MALRD1: variants seen among roughly 807,000 people sequenced by gnomAD.
The protein encoded by MALRD1 is MAM and LDL receptor class A domain containing 1.
A neutral mutation model predicts 242.1 loss-of-function variants in MALRD1; 247 were observed. The observed-to-expected ratio is 1.02, with a 90% CI of 0.92 to 1.13. The LOEUF (loss-of-function observed/expected upper bound fraction) is 1.13. MALRD1 is among the 50% of genes most tolerant of loss of function. MALRD1 has a pLI of 0.00. For synonymous variants in MALRD1, 995 were observed against 866.6 expected (o/e 1.15, Z -2.60); for missense variants, 2,989 against 2,533.1 (o/e 1.18, Z -3.86).
chr10:19,443,230 C>T (rs1475095745), intron 28 of MALRD1, among the ~76,000 whole-genome samples: 1 of 152,024 alleles, frequency 6.6e-6, no homozygotes, highest in Admixed American at 6.6e-5. Flanking sequence ...ATTAGTCTTG[C>T]TAGTGGTCTA....
At chr10:19,499,383 T>G in intron 31 of MALRD1, among the ~76,000 whole-genome samples, 1 of 152,064 alleles carries the variant, frequency 6.6e-6, no homozygotes, top group South Asian at 2.1e-4. Flanking sequence ...ATTGATGAAC[T>G]TTGAGTAAAG....
At chr10:19,391,099 A>G (rs1267943961) in intron 28 of MALRD1, among the ~76,000 whole-genome samples, 1 of 152,132 alleles carries the variant, frequency 6.6e-6, no homozygotes, top group Non-Finnish European at 1.5e-5. Flanking sequence ...TTATTTCTAG[A>G]AAGTGTAATA....
intron 2 of MALRD1, among the ~76,000 whole-genome samples, chr10:19,068,739 T>C (rs921342743): frequency 3.3e-5 from 5 of 152,114 alleles, no homozygotes; most frequent in African/African-American, 1.2e-4. Flanking sequence ...AATCCTGTCT[T>C]TACTCAAAAA....
chr10:19,486,336 A>G (rs941416802), intron 29 of MALRD1, among the ~76,000 whole-genome samples: 5 of 152,148 alleles, frequency 3.3e-5, no homozygotes, highest in African/African-American at 9.7e-5. Context: ...GATAGTTAAA[A>G]TTCTTTGTTG....
intron 33 of MALRD1, among the ~76,000 whole-genome samples, chr10:19,590,197 A>G (rs1244141588): frequency 1.3e-5 from 2 of 151,380 alleles, no homozygotes; most frequent in Admixed American, 6.6e-5. Context: ...AGAGAAAATC[A>G]TCAAACATGA....
At chr10:19,564,820 A>G (rs1435449898) in intron 32 of MALRD1, among the ~76,000 whole-genome samples, 2 of 152,180 alleles carry the variant, frequency 1.3e-5, no homozygotes, top group Non-Finnish European at 2.9e-5. Context: ...GCTGAGAGTT[A>G]TCACAAAGAC....
chr10:19,268,145 A>G (rs193297914), intron 19 of MALRD1, among the ~76,000 whole-genome samples: 7 of 152,226 alleles, frequency 4.6e-5, no homozygotes, highest in Admixed American at 2.6e-4. Flanking sequence ...ATTTGTAGTC[A>G]CATTCAAATA....
intron 12 of MALRD1, among the ~76,000 whole-genome samples, chr10:19,164,859 G>A (rs1236774622): frequency 6.6e-6 from 1 of 152,032 alleles, no homozygotes; most frequent in Non-Finnish European, 1.5e-5. Flanking sequence ...TGAATAGGAA[G>A]TGAAATGATT....
At chr10:19,052,213 G>A (rs1348957536) in intron 1 of MALRD1, 2 of 290,080 alleles carry the variant, frequency 6.9e-6, no homozygotes, top group Non-Finnish European at 1.3e-5. Flanking sequence ...AAAACCACAG[G>A]CCCTTCCCCT....
intron 36 of MALRD1, among the ~76,000 whole-genome samples, chr10:19,618,588 G>T (rs1318339143): frequency 1.3e-5 from 2 of 152,034 alleles, no homozygotes; most frequent in Non-Finnish European, 2.9e-5. Context: ...GATCAGTGAT[G>T]TTGGGCTTTT....
At chr10:19,618,495 A>G (rs565022037) in intron 36 of MALRD1, among the ~76,000 whole-genome samples, 2 of 152,046 alleles carry the variant, frequency 1.3e-5, no homozygotes, top group South Asian at 4.1e-4. Flanking sequence ...CTAGCATCTG[A>G]TATTTTTTGA....
chr10:19,313,305 T>TAAATA (rs71387060), intron 21 of MALRD1, among the ~76,000 whole-genome samples: 149,360 of 151,142 alleles, frequency 0.99, 73,927 homozygotes, highest in Middle Eastern at 1. Context: ...TAAATATTAT[T>TAAATA]AATATTAAAT....
chr10:19,075,344 C>T (rs537099571), intron 2 of MALRD1, among the ~76,000 whole-genome samples: 162 of 152,100 alleles, frequency 1.1e-3, no homozygotes, highest in African/African-American at 3.2e-3. Flanking sequence ...ACTTCAAAAT[C>T]GCAAGATTAT....
chr10:19,099,904 G>A (rs1236270435), intron 4 of MALRD1, among the ~76,000 whole-genome samples: 2 of 151,764 alleles, frequency 1.3e-5, no homozygotes, highest in African/African-American at 2.4e-5. Flanking sequence ...GGGATTACAG[G>A]TGTGTACCAC....
chr10:19,407,928 CTGAAA>C (rs1386572176), intron 28 of MALRD1, among the ~76,000 whole-genome samples: 1 of 152,100 alleles, frequency 6.6e-6, no homozygotes, highest in Admixed American at 6.5e-5. Flanking sequence ...TTGAAACACC[CTGAAA>C]ATGGGTGTTT....
intron 38 of MALRD1, among the ~76,000 whole-genome samples, chr10:19,705,771 A>C (rs1833834953): frequency 7.1e-6 from 1 of 140,670 alleles, no homozygotes; most frequent in African/African-American, 2.9e-5. Flanking sequence ...TTTTTTCCTT[A>C]ATCCCTAACC....
At chr10:19,673,574 T>G (rs1208392856) in intron 36 of MALRD1, among the ~76,000 whole-genome samples, 1 of 152,060 alleles carries the variant, frequency 6.6e-6, no homozygotes, top group Non-Finnish European at 1.5e-5. Context: ...GTGCATAAGA[T>G]TTTTTGAGCT....
chr10:19,578,725 A>G (rs1336044836), intron 33 of MALRD1, among the ~76,000 whole-genome samples: 1 of 151,654 alleles, frequency 6.6e-6, no homozygotes, highest in Non-Finnish European at 1.5e-5. Context: ...CACAGTACAC[A>G]TGACTAAGCA....
At chr10:19,610,246 C>A (rs1351155125) in intron 35 of MALRD1, among the ~76,000 whole-genome samples, 1 of 151,902 alleles carries the variant, frequency 6.6e-6, no homozygotes, top group African/African-American at 2.4e-5. Flanking sequence ...AGCCTCTCTC[C>A]TAGCAGTTTT....
Sources: allele counts gnomAD v4.1 joint callset (sites outside exome capture counted in the v4.1 genomes callset), GRCh38; gene constraint gnomAD v4.1.1; transcripts MANE v1.5; gene names NCBI Gene and HGNC (gene_info 2026-07-23, HGNC 2026-07-21).